Variants in FKTN observed in about 807,000 individuals in gnomAD.
FKTN encodes ribitol-5-phosphate transferase FKTN.
Under a neutral mutation model 58.6 loss-of-function variants are expected in FKTN, and 47 were observed. The observed-to-expected ratio is 0.80, with a 90% CI of 0.63 to 1.02. The LOEUF (loss-of-function observed/expected upper bound fraction) is 1.02. FKTN is among the 50% of genes least tolerant of loss of function. The pLI is 0.00. For missense variants in FKTN, 516 were observed against 537.3 expected, an observed-to-expected ratio of 0.96 and a Z score of 0.39; for synonymous variants, 178 against 191.9, an observed-to-expected ratio of 0.93 and a Z score of 0.60.
At chr9:105,568,206 C>T (rs1758837361) in intron 1 of FKTN, among the ~76,000 whole-genome samples, 1 of 152,152 alleles carries the variant, frequency 6.6e-6, no homozygotes, top group Admixed American at 6.5e-5. Context: ...AAAACCAAGG[C>T]AATACCATTC....
intron 1 of FKTN, among the ~76,000 whole-genome samples, chr9:105,566,084 A>T (rs2131796277): frequency 6.6e-6 from 1 of 152,372 alleles, no homozygotes; most frequent in Admixed American, 6.5e-5. Flanking sequence ...AGAAATAAAG[A>T]TGTGCTTTGA....
intron 3 of FKTN, among the ~76,000 whole-genome samples, chr9:105,582,090 C>G (rs1010882708): frequency 2.0e-5 from 3 of 152,130 alleles, no homozygotes; most frequent in South Asian, 2.1e-4. Context: ...GAGATGAACC[C>G]GGTACCTCAG....
chr9:105,629,490 G>A (rs959124676), intron 10 of FKTN, among the ~76,000 whole-genome samples: 1 of 152,134 alleles, frequency 6.6e-6, no homozygotes, highest in Admixed American at 6.6e-5. Context: ...TATACAAGGA[G>A]AAATCCTGTA....
Position 105,615,385 on chromosome 9 carries a change from G to T in FKTN, c.888G>T (p.Trp296Cys), listed in dbSNP as rs756446117. The change falls in exon 8 of 11, where the codon TGG (tryptophan) becomes TGT (cysteine). Residue 296 changes from tryptophan to cysteine, a missense_variant. By Grantham distance (215) the Trp-to-Cys change is radical. Coordinates refer to ENST00000357998, the MANE Select transcript of FKTN (RefSeq NM_001079802.2). The stretch of plus-strand genomic sequence containing the variant: ...TAAACAAATTGGGAGTACCATTCTG[G>T]CTGAGCAGTGGAACTTGTCTAGGTA... ...KTLNKLGVPF[W>C]LSSGTCLGWY... 6.2e-7 allele frequency: 1 copy of T among 1,614,054 alleles called. No homozygotes were observed. Among genetic ancestry groups the T allele is most frequent in the Non-Finnish European group, 8.5e-7 (1 of 1,179,934 alleles).
intron 4 of FKTN, among the ~76,000 whole-genome samples, chr9:105,597,395 A>G (rs956552428): frequency 6.6e-6 from 1 of 152,138 alleles, no homozygotes; most frequent in Non-Finnish European, 1.5e-5. Context: ...CTACTGTTTA[A>G]AAGTAAAGTC....
chr9:105,574,472 A>G (rs1468287856), intron 2 of FKTN: 1 of 152,914 alleles, frequency 6.5e-6, no homozygotes, highest in Non-Finnish European at 1.5e-5. Context: ...GTATAAATAA[A>G]AACTGACCAC....
chr9:105,581,344 C>T (rs1245451478), intron 3 of FKTN, among the ~76,000 whole-genome samples: 26 of 147,440 alleles, frequency 1.8e-4, no homozygotes, highest in Admixed American at 8.7e-4. Context: ...GATGGGTTTT[C>T]GGTGTGGATG....
chr9:105,629,520 G>C (rs1833139200), intron 10 of FKTN, among the ~76,000 whole-genome samples: 1 of 152,186 alleles, frequency 6.6e-6, no homozygotes, highest in Non-Finnish European at 1.5e-5. Flanking sequence ...AGGAAAGCAA[G>C]CACAACTGGA....
intron 1 of FKTN, among the ~76,000 whole-genome samples, chr9:105,572,918 C>T (rs570623414): frequency 7.2e-5 from 11 of 152,224 alleles, no homozygotes; most frequent in African/African-American, 1.2e-4. Context: ...ATAGTTAAGG[C>T]GTAAATTATA....
chr9:105,639,734 C>A lies in FKTN; in HGVS notation c.*4470C>A. ...TGGTTTGTGAATTCAGAGACATTAC[C>A]AGTTTGCCTCCTTCTCTCAATAGAA... On this transcript the variant is annotated 3_prime_UTR_variant, in exon 11 of 11. Transcript: ENST00000357998. 1 of 980,536 alleles carries A rather than the reference C, an allele frequency of 1.0e-6. No homozygotes were observed. Among genetic ancestry groups the A allele is most frequent in the Non-Finnish European group, 1.2e-6 (1 of 813,506 alleles). The allele number at this position is 980,536 out of a possible 1,614,324, so 60.7% of individuals were successfully genotyped here. A position where few individuals can be genotyped will look rare whatever the true frequency, so the allele number is the denominator to read the frequency against.
At chr9:105,607,566 T>C (rs1421698345) in intron 6 of FKTN, among the ~76,000 whole-genome samples, 1 of 151,960 alleles carries the variant, frequency 6.6e-6, no homozygotes, top group Admixed American at 6.6e-5. Flanking sequence ...AGGCTGCCAG[T>C]ATTCTGGGTT....
chr9:105,580,689 A>G (rs1217565766), intron 3 of FKTN, among the ~76,000 whole-genome samples: 4 of 31,478 alleles, frequency 1.3e-4, no homozygotes, highest in African/African-American at 6.5e-4. Flanking sequence ...CGTTCTCTGT[A>G]TTTCCTGAAT....
Position 105,634,948 on chromosome 9 carries a change from T to C in FKTN, c.1173-103T>C. ...TATCCACTCTCTTCCCAAAGCTGTGTAATGGGAGAGCACTGTCCTTCAGCC... is the reference window on the plus strand; with the variant it reads ...TATCCACTCTCTTCCCAAAGCTGTGCAATGGGAGAGCACTGTCCTTCAGCC... On this transcript the variant is annotated intron_variant, in intron 10 of 10. Transcript: ENST00000357998. 3.3e-6 allele frequency: 3 copies of C among 895,820 alleles called. No homozygotes were observed. In the South Asian group the frequency reaches 4.0e-5, roughly 12 times the overall value. The allele number at this position is 895,820 out of a possible 1,614,324, so 55.5% of individuals were successfully genotyped here.
At chr9:105,607,407 A>G (rs867377854) in intron 6 of FKTN, among the ~76,000 whole-genome samples, 104 of 152,156 alleles carry the variant, frequency 6.8e-4, no homozygotes, top group African/African-American at 2.2e-3. Context: ...ATATATTAAT[A>G]TATAAATACA....
chr9:105,570,293 C>A (rs980207764), intron 1 of FKTN, among the ~76,000 whole-genome samples: 2 of 152,058 alleles, frequency 1.3e-5, no homozygotes, highest in Non-Finnish European at 2.9e-5. Flanking sequence ...TTAATTCAGC[C>A]AATTTTAGGC....
At chr9:105,591,550 GGCAGCTCAGACCCTGTGGCTTT>G (rs1445170027) in intron 3 of FKTN, among the ~76,000 whole-genome samples, 1 of 152,192 alleles carries the variant, frequency 6.6e-6, no homozygotes, top group Non-Finnish European at 1.5e-5. Flanking sequence ...CAAGGCCTTG[GGCAGCTCAGACCCTGTGGCTTT>G]GCAGGGTTCA....
In FKTN at chr9:105,639,371, A is replaced by G; in HGVS notation, c.*4107A>G. On this transcript the variant is annotated 3_prime_UTR_variant, in exon 11 of 11. Coordinates refer to ENST00000357998, the MANE Select transcript of FKTN (RefSeq NM_001079802.2). ...TGAGTTAGGCCTGAATTTGAATTTCAGCTTAATCATGTGGGATTTATGGTG... is the reference window on the plus strand; with the variant it reads ...TGAGTTAGGCCTGAATTTGAATTTCGGCTTAATCATGTGGGATTTATGGTG... 1 of 844,212 alleles carries G rather than the reference A, an allele frequency of 1.2e-6. No homozygotes were observed. Among genetic ancestry groups the G allele is most frequent in the Non-Finnish European group, 1.4e-6 (1 of 701,102 alleles). The allele number at this position is 844,212 out of a possible 1,614,324, so 52.3% of individuals were successfully genotyped here.
At chr9:105,581,888 G>A (rs1010560082) in intron 3 of FKTN, among the ~76,000 whole-genome samples, 6 of 152,250 alleles carry the variant, frequency 3.9e-5, no homozygotes, top group African/African-American at 1.4e-4. Context: ...TTTTTAAGCC[G>A]GTCTGAAAAG....
Position 105,565,914 on chromosome 9 carries a change from G to C in FKTN, c.-180-7741G>C, listed in dbSNP as rs1177182796. ...ATATATGGAAGTAAAGCACTCCTCA[G>C]CAAATGCAAAAGAACAGAAATTATA... is the stretch of plus-strand genomic sequence containing the variant. On this transcript the variant is annotated intron_variant, in intron 1 of 10. Transcript: ENST00000357998. 2.0e-5 allele frequency among the ~76,000 whole-genome samples: 3 copies of C among 152,168 alleles called. No homozygotes were observed. The East Asian group carries it at 5.8e-4, about 29-fold the overall frequency.
Sources: allele counts gnomAD v4.1 joint callset (sites outside exome capture counted in the v4.1 genomes callset), GRCh38; gene constraint gnomAD v4.1.1; transcripts MANE v1.5; gene names NCBI Gene and HGNC (gene_info 2026-07-23, HGNC 2026-07-21).